The following ITGA9 variants were observed in gnomAD, a reference collection of about 807,000 sequenced individuals.
ITGA9 encodes integrin subunit alpha 9, also known as integrin alpha-9.
A neutral mutation model predicts 127.8 loss-of-function variants in ITGA9; 56 were observed. That is an observed-to-expected ratio of 0.44 (90% CI 0.35 to 0.55). The LOEUF (loss-of-function observed/expected upper bound fraction) is 0.55. Among genes scored for constraint, ITGA9 ranks in the 20% least tolerant of loss-of-function variants. The pLI, the probability that ITGA9 is intolerant of heterozygous loss-of-function variation, is 0.00. For missense variants in ITGA9, 1,196 were observed against 1,347.1 expected (o/e 0.89, Z 1.76); for synonymous variants, 508 against 514.5 (o/e 0.99, Z 0.17).
intron 13 of ITGA9, among the ~76,000 whole-genome samples, chr3:37,528,979 T>G (rs198217): frequency 0.44 from 66,189 of 151,868 alleles, 16,871 homozygotes; most frequent in East Asian, 0.81. Context: ...TCTTGCCCAT[T>G]CTAGAATTTC....
chr3:37,610,755 G>A (rs1251609088), intron 15 of ITGA9, among the ~76,000 whole-genome samples: 1 of 152,330 alleles, frequency 6.6e-6, no homozygotes, highest in Non-Finnish European at 1.5e-5. Context: ...CCATCTGCCA[G>A]TATTTCCACC....
At chr3:37,596,371 G>C (rs998005285) in intron 15 of ITGA9, among the ~76,000 whole-genome samples, 5 of 152,164 alleles carry the variant, frequency 3.3e-5, no homozygotes, top group African/African-American at 9.7e-5. Context: ...ATTGGAGAGA[G>C]GCGTTTTTGG....
chr3:37,542,181 C>T (rs1183336586), intron 14 of ITGA9, among the ~76,000 whole-genome samples: 3 of 152,026 alleles, frequency 2.0e-5, no homozygotes, highest in African/African-American at 4.8e-5. Flanking sequence ...CAGGGAGAGC[C>T]GTGAAGTATG....
chr3:37,508,776 C>T lies in ITGA9; in HGVS notation c.897+149C>T, dbSNP rs570138966. 5.7e-6 allele frequency: 4 copies of T among 702,866 alleles called. No homozygotes were observed. The South Asian group carries it at 6.1e-5, about 11-fold the overall frequency. 43.5% of individuals were successfully genotyped at this position (702,866 alleles called of 1,614,324 possible). On this transcript the variant is annotated intron_variant, in intron 8 of 27. Transcript: ENST00000264741. ...CTGCTTGTTGGTGTCTTTACCTTCT[C>T]AGCGGTATGTGTAATCTGTACATTC...
At chr3:37,713,399 C>G (rs1701099509) in intron 18 of ITGA9, among the ~76,000 whole-genome samples, 1 of 152,196 alleles carries the variant, frequency 6.6e-6, no homozygotes, top group Non-Finnish European at 1.5e-5. Context: ...TTGGCACTCC[C>G]TCCTCCACCA....
rs76359600 is a variant in ITGA9, at chr3:37,467,746, T to C, written c.186-3261T>C. ...TGGTGGGAATTTTTGGACTCTGCTGTGTGGCCCTGGGGTTTTTGAGTGGAA... is the reference window on the plus strand; with the variant it reads ...TGGTGGGAATTTTTGGACTCTGCTGCGTGGCCCTGGGGTTTTTGAGTGGAA... On this transcript the variant is annotated intron_variant, in intron 1 of 27. Transcript: ENST00000264741. Among the ~76,000 whole-genome samples, 97 of 152,328 alleles carry C rather than the reference T, an allele frequency of 6.4e-4. 3 individuals carry two copies. In the East Asian group the frequency reaches 0.018, roughly 28 times the overall value.
chr3:37,687,211 T>C (rs1700790148), intron 18 of ITGA9, among the ~76,000 whole-genome samples: 1 of 151,988 alleles, frequency 6.6e-6, no homozygotes, highest in African/African-American at 2.4e-5. Context: ...CAAAAATAAA[T>C]GTTATGGATG....
chr3:37,654,689 T>G (rs1700460844), intron 17 of ITGA9, among the ~76,000 whole-genome samples: 1 of 152,156 alleles, frequency 6.6e-6, no homozygotes, highest in South Asian at 2.1e-4. Flanking sequence ...GTGCCTACAC[T>G]AGGACATTTT....
chr3:37,675,715 G>A (rs1483377257), intron 17 of ITGA9, among the ~76,000 whole-genome samples: 1 of 150,224 alleles, frequency 6.7e-6, no homozygotes, highest in Admixed American at 6.6e-5. Context: ...AGTTGTAGGA[G>A]CTAAATATGA....
chr3:37,625,510 A>T (rs1385347477), intron 15 of ITGA9, among the ~76,000 whole-genome samples: 1 of 152,228 alleles, frequency 6.6e-6, no homozygotes, highest in Non-Finnish European at 1.5e-5. Context: ...TTTAGCAGGA[A>T]AAGGTAGATT....
chr3:37,764,250 C>G (rs1696753095), intron 23 of ITGA9, among the ~76,000 whole-genome samples: 1 of 152,028 alleles, frequency 6.6e-6, no homozygotes, highest in Non-Finnish European at 1.5e-5. Context: ...AGGGTGTCCT[C>G]TTTGCTCTCT....
intron 23 of ITGA9, among the ~76,000 whole-genome samples, chr3:37,772,137 G>T (rs560014542): frequency 6.6e-6 from 1 of 152,104 alleles, no homozygotes; most frequent in South Asian, 2.1e-4. Flanking sequence ...CAGGGGCTGT[G>T]GCTCACACCT....
chr3:37,631,680 G>T (rs1294059214), intron 16 of ITGA9, among the ~76,000 whole-genome samples: 1 of 152,182 alleles, frequency 6.6e-6, no homozygotes, highest in Admixed American at 6.5e-5. Flanking sequence ...CCTACCCAGG[G>T]AACAGAGAAG....
At chr3:37,708,747 C>T (rs890263922) in intron 18 of ITGA9, among the ~76,000 whole-genome samples, 2 of 180 alleles carry the variant, frequency 0.011, no homozygotes, top group African/African-American at 0.038. Flanking sequence ...TCCCTTTTTA[C>T]ACATGAGATG....
chr3:37,559,281 C>T (rs1699462595), intron 15 of ITGA9, among the ~76,000 whole-genome samples: 2 of 152,096 alleles, frequency 1.3e-5, no homozygotes, highest in Non-Finnish European at 2.9e-5. Flanking sequence ...TGAGCACACA[C>T]ACACACACAC....
At chr3:37,684,044 A>G in intron 18 of ITGA9, 29 bp downstream of exon 18, 1 of 1,602,050 alleles carries the variant, frequency 6.2e-7, no homozygotes, top group Non-Finnish European at 8.5e-7. Context: ...TAAAAAGAGC[A>G]GTTGTTCCAT....
At chr3:37,635,851 ATTCCCACCTAT>A (rs1700272764) in intron 16 of ITGA9, among the ~76,000 whole-genome samples, 1 of 143,844 alleles carries the variant, frequency 7.0e-6, no homozygotes, top group South Asian at 2.2e-4. Flanking sequence ...TCATTGTTCA[ATTCCCACCTAT>A]GAGTGAGAAC....
intron 26 of ITGA9, among the ~76,000 whole-genome samples, chr3:37,797,600 AAAT>A (rs756292106): frequency 2.4e-4 from 36 of 152,246 alleles, no homozygotes; most frequent in Non-Finnish European, 3.8e-4. Flanking sequence ...TCAATTTAAA[AAAT>A]AGTAAAACGT....
chr3:37,518,085 A>T, intron 10 of ITGA9, among the ~76,000 whole-genome samples: 1 of 61,536 alleles, frequency 1.6e-5, no homozygotes, highest in Non-Finnish European at 3.8e-5. Context: ...GACTTTTGAG[A>T]GTGTACGCGT....
Sources: gnomAD v4.1 joint callset for allele counts (sites outside exome capture counted in the v4.1 genomes callset) on GRCh38, gnomAD v4.1.1 for gene constraint, MANE v1.5 for transcripts, NCBI Gene and HGNC (gene_info 2026-07-23, HGNC 2026-07-21) for gene names.